The following STIL variants were observed in gnomAD, a reference collection of about 807,000 sequenced individuals.
STIL encodes the protein STIL centriolar assembly protein.
A neutral mutation model predicts 110.1 loss-of-function variants in STIL; 55 were observed. That is an observed-to-expected ratio of 0.50 (90% CI 0.40 to 0.63). The LOEUF (loss-of-function observed/expected upper bound fraction) is 0.63, where lower values mean the gene tolerates loss of function less well. STIL is among the 20% of genes least tolerant of loss of function. The probability of loss-of-function intolerance (pLI) is 0.00; values close to 1 mark genes in which losing one functional copy is unlikely to be tolerated. For synonymous variants in STIL, 481 were observed against 530.0 expected (o/e 0.91, Z 1.27); for missense variants, 1,358 against 1,530.0 (o/e 0.89, Z 1.87).
At chr1:47,258,828 C>T (rs1241493969) in intron 16 of STIL, among the ~76,000 whole-genome samples, 1 of 152,018 alleles carries the variant, frequency 6.6e-6, no homozygotes, top group East Asian at 1.9e-4. Context: ...TGTGATCATG[C>T]CACTGCACTC....
intron 14 of STIL, among the ~76,000 whole-genome samples, chr1:47,265,239 A>C (rs1227057014): frequency 7.0e-6 from 1 of 143,758 alleles, no homozygotes; most frequent in African/African-American, 2.8e-5. Context: ...CCATCTCCCA[A>C]AAAAAAAAAA....
At chr1:47,253,053 C>T (rs553114174) in intron 16 of STIL, among the ~76,000 whole-genome samples, 1 of 152,042 alleles carries the variant, frequency 6.6e-6, no homozygotes, top group African/African-American at 2.4e-5. Flanking sequence ...TGAGGTAAAG[C>T]GAGCCTCCCT....
At chr1:47,260,644 A>T in intron 15 of STIL, 105 bp from the exon 16 acceptor site, 1 of 1,232,582 alleles carries the variant, frequency 8.1e-7, no homozygotes, top group Admixed American at 1.9e-5. Context: ...AAGCCAAGGC[A>T]GGAAGATCGC....
chr1:47,302,245 G>A lies in STIL; in HGVS notation c.254C>T (p.Thr85Ile), dbSNP rs760619947. ...TAAAAGTGTATTACCTTCGTCTGCTGTCAGAGAACCAAGTAAAAAGCATGA... is the reference window on the plus strand; with the variant it reads ...TAAAAGTGTATTACCTTCGTCTGCTATCAGAGAACCAAGTAAAAAGCATGA... ...NSSCFLLGSL[T>I]ADEDEEGVTL... is the part of the protein sequence containing the mutation. Residue 85 changes from threonine (T) to isoleucine (I), a missense_variant, in exon 4 of 17, where the codon ACA becomes ATA. Coordinates refer to ENST00000371877, the MANE Select transcript of STIL (RefSeq NM_001048166.1). The A allele has an allele frequency of 7.4e-6, 12 of 1,612,370 alleles. No homozygotes were observed. The Admixed American group carries it at 8.3e-5, about 11-fold the overall frequency.
chr1:47,311,783 A>G (rs899232673), intron 1 of STIL, among the ~76,000 whole-genome samples: 8 of 152,210 alleles, frequency 5.3e-5, no homozygotes, highest in Admixed American at 2.0e-4. Flanking sequence ...GTGGGAGCTC[A>G]TTCCTGTAAT....
rs765036043 is a variant in STIL at position 47,251,763 on chromosome 1, T to C, written c.3240A>G (p.Gln1080=). 9.3e-6 allele frequency: 15 copies of C among 1,613,652 alleles called. No homozygotes were observed. In the Admixed American group the frequency reaches 2.5e-4, roughly 27 times the overall value. Residue 1080 remains glutamine (Q), a synonymous_variant, in exon 17 of 17, where the codon CAA becomes CAG. Coordinates refer to ENST00000371877, the MANE Select transcript of STIL (RefSeq NM_001048166.1). ...TTTGGTTCGATCGAGTGACAGACAGTTGTGACAGCTGATTTTCATTTAAAT... is the reference window on the plus strand; with the variant it reads ...TTTGGTTCGATCGAGTGACAGACAGCTGTGACAGCTGATTTTCATTTAAAT... ...LKYLNENQLS[Q]LSVTRSNQNN...
chr1:47,262,621 G>C lies in STIL; in HGVS notation c.2829+282C>G, dbSNP rs573636635. On this transcript the variant is annotated intron_variant, in intron 15 of 16. Transcript: ENST00000371877. The stretch of plus-strand genomic sequence containing the variant: ...ATTTTCAAATTTCCGAGAAACTCTT[G>C]CTTATTTTCTAATACTAATTTTGGT... 1.8e-4 allele frequency among the ~76,000 whole-genome samples: 28 copies of C among 152,070 alleles called. No individual in the cohort carries two copies. The East Asian group carries it at 5.2e-3, about 28-fold the overall frequency.
rs146488042 is a variant in STIL, at chr1:47,269,841, T to C, written c.2409A>G (p.Ala803=). Reference sequence around the variant, plus strand: ...GAGAGTCAGGCTCTTGATCCTCACCTGCTGCATTCCAAAACAAGCTAGCAC... The same window carrying C: ...GAGAGTCAGGCTCTTGATCCTCACCCGCTGCATTCCAAAACAAGCTAGCAC... ...STGASLFWNA[A]GEDQEPDSQM... is the part of the protein sequence containing the mutation. Residue 803 remains alanine, a synonymous_variant, in exon 14 of 17, where the codon GCA becomes GCG. Coordinates refer to ENST00000371877, the MANE Select transcript of STIL (RefSeq NM_001048166.1). 2 of 1,614,094 alleles carry C rather than the reference T, an allele frequency of 1.2e-6. No individual in the cohort carries two copies. The highest frequency in any genetic ancestry group is 2.7e-5 in the African/African-American group (2 of 74,940).
At chr1:47,291,151 G>A (rs1266372498) in intron 8 of STIL, among the ~76,000 whole-genome samples, 2 of 152,158 alleles carry the variant, frequency 1.3e-5, no homozygotes, top group African/African-American at 4.8e-5. Flanking sequence ...CCTGAGGTCA[G>A]GAGTTCGAGA....
In STIL at chr1:47,288,913, A is replaced by AGT. The variant is rs1557751316; in HGVS notation, c.1023+521_1023+522insAC. 1.5e-4 allele frequency among the ~76,000 whole-genome samples: 21 copies of AGT among 141,630 alleles called. No homozygotes were observed. The East Asian group carries it at 4.1e-3, about 28-fold the overall frequency. The allele number at this position is 141,630 out of a possible 152,430, so 92.9% of individuals were successfully genotyped here. A position where few individuals can be genotyped will look rare whatever the true frequency, so the allele number is the denominator to read the frequency against. On this transcript the variant is annotated intron_variant, in intron 9 of 16. Coordinates refer to ENST00000371877, the MANE Select transcript of STIL (RefSeq NM_001048166.1). ...AATACAAAAAAAAAAAAAAAAAAAA[A>AGT]TAGCCAGGTGTGATGGTGGGCTCCT... is the stretch of plus-strand genomic sequence containing the variant.
chr1:47,311,844 C>G (rs1184767414), intron 1 of STIL, among the ~76,000 whole-genome samples: 1 of 151,596 alleles, frequency 6.6e-6, no homozygotes, highest in Admixed American at 6.6e-5. Flanking sequence ...GTGAGGAGTT[C>G]GAGACCAGCC....
At chr1:47,257,863 C>A (rs1644369427) in intron 16 of STIL, among the ~76,000 whole-genome samples, 1 of 152,132 alleles carries the variant, frequency 6.6e-6, no homozygotes, top group Non-Finnish European at 1.5e-5. Flanking sequence ...ATTACGATAT[C>A]TCTTATAGGC....
Position 47,251,728 on chromosome 1 carries a change from T to C in STIL, c.3275A>G (p.Asp1092Gly). 1 of 1,614,134 alleles carries C rather than the reference T, an allele frequency of 6.2e-7. No individual in the cohort carries two copies. Among genetic ancestry groups the C allele is most frequent in the East Asian group, 2.2e-5 (1 of 44,878 alleles). ...SVTRSNQNNCDPFSLLHINTD... is the reference protein window; with the variant it reads ...SVTRSNQNNCGPFSLLHINTD... ...ATTAATATGGAGAAGGCTGAATGGG[T>C]CACAATTATTTTGGTTCGATCGAGT... The change falls in exon 17 of 17, where the codon GAC becomes GGC. Residue 1092 changes from aspartate (D) to glycine (G), a missense_variant. Coordinates refer to ENST00000371877, the MANE Select transcript of STIL (RefSeq NM_001048166.1).
intron 2 of STIL, among the ~76,000 whole-genome samples, chr1:47,305,729 T>TTG (rs1645940985): frequency 9.3e-6 from 1 of 107,638 alleles, no homozygotes; most frequent in Non-Finnish European, 1.9e-5. Flanking sequence ...CCTGGCCTTT[T>TTG]TTTTTTTTTT....
intron 4 of STIL, 36 bp from the exon 5 acceptor site, chr1:47,301,784 C>G (rs377221575): frequency 1.3e-6 from 2 of 1,596,456 alleles, no homozygotes; most frequent in Middle Eastern, 1.7e-4. Flanking sequence ...ATACAGCATA[C>G]TAATTAAAAA....
rs373419890 is a variant in STIL, at chr1:47,270,004, A to G, written c.2384-138T>C. On this transcript the variant is annotated intron_variant, in intron 13 of 16. Transcript: ENST00000371877. Reference sequence around the variant, plus strand: ...ATAATCCCAACACTTTGAGAGGCAGAGGCGGGAGGATCACTTGAGCTCAGG... The same window carrying G: ...ATAATCCCAACACTTTGAGAGGCAGGGGCGGGAGGATCACTTGAGCTCAGG... 7 of 781,136 alleles carry G rather than the reference A, an allele frequency of 9.0e-6. No homozygotes were observed. In the East Asian group the frequency reaches 1.9e-4, roughly 21 times the overall value. The allele number at this position is 781,136 out of a possible 1,614,324, so 48.4% of individuals were successfully genotyped here. A position where few individuals can be genotyped will look rare whatever the true frequency, so the allele number is the denominator to read the frequency against.
chr1:47,291,726 G>A (rs751641594), intron 8 of STIL, among the ~76,000 whole-genome samples: 5 of 151,768 alleles, frequency 3.3e-5, no homozygotes, highest in Non-Finnish European at 5.9e-5. Context: ...CTACCACACC[G>A]GGCTAATTTT....
chr1:47,275,972 A>C (rs1033338173), intron 12 of STIL, among the ~76,000 whole-genome samples: 2 of 150,398 alleles, frequency 1.3e-5, no homozygotes, highest in African/African-American at 4.9e-5. Flanking sequence ...GCTTTTCTAA[A>C]CATAAAACCC....
intron 10 of STIL, among the ~76,000 whole-genome samples, chr1:47,285,032 T>C (rs534936796): frequency 4.6e-5 from 7 of 150,718 alleles, no homozygotes; most frequent in Admixed American, 2.0e-4. Context: ...TTTTTTTTTT[T>C]TTTTTCTTTG....
Sources: gnomAD v4.1 joint callset for allele counts (sites outside exome capture counted in the v4.1 genomes callset) on GRCh38, gnomAD v4.1.1 for gene constraint, MANE v1.5 for transcripts, NCBI Gene and HGNC (gene_info 2026-07-23, HGNC 2026-07-21) for gene names.